Variants in KIRREL1 observed in about 807,000 individuals in gnomAD.
The protein encoded by KIRREL1 is kin of IRRE-like protein 1.
Under a neutral mutation model 83.3 loss-of-function variants are expected in KIRREL1, and 25 were observed. The observed-to-expected ratio is 0.30, with a 90% confidence interval of 0.22 to 0.42. The LOEUF (loss-of-function observed/expected upper bound fraction) is 0.42, where lower values mean the gene tolerates loss of function less well. KIRREL1 is among the 10% of genes least tolerant of loss of function. The pLI, the probability that KIRREL1 is intolerant of heterozygous loss-of-function variation, is 1.00. For missense variants in KIRREL1, 812 were observed against 1,032.3 expected, an observed-to-expected ratio of 0.79 and a Z score of 2.92; for synonymous variants, 388 against 410.4, an observed-to-expected ratio of 0.95 and a Z score of 0.66.
intron 1 of KIRREL1, among the ~76,000 whole-genome samples, chr1:158,069,861 G>A (rs1020804902): frequency 6.6e-6 from 1 of 152,202 alleles, no homozygotes; most frequent in African/African-American, 2.4e-5. Flanking sequence ...GTATAAAAGT[G>A]GCAGTGGATT....
intron 10 of KIRREL1, 152 bp downstream of exon 10, chr1:158,089,970 C>G (rs2101642658): frequency 3.0e-6 from 2 of 672,872 alleles, no homozygotes; most frequent in South Asian, 3.6e-5. Flanking sequence ...GTCCCTTTAC[C>G]TGCTCAAATC....
At chr1:158,026,901 T>G (rs1192303552) in intron 1 of KIRREL1, among the ~76,000 whole-genome samples, 1 of 152,132 alleles carries the variant, frequency 6.6e-6, no homozygotes, top group Non-Finnish European at 1.5e-5. Flanking sequence ...CACAGAAGAC[T>G]TCTGTGACCA....
intron 1 of KIRREL1, among the ~76,000 whole-genome samples, chr1:158,061,374 G>A (rs373962580): frequency 6.6e-6 from 1 of 152,220 alleles, no homozygotes; most frequent in East Asian, 1.9e-4. Context: ...CAGAGGCGGA[G>A]GGATGAGAGA....
At chr1:158,074,866 G>A (rs1399235456) in intron 1 of KIRREL1, among the ~76,000 whole-genome samples, 2 of 152,170 alleles carry the variant, frequency 1.3e-5, no homozygotes, top group Admixed American at 1.3e-4. Context: ...ATTTTAGAAA[G>A]CTCTGTTAGG....
chr1:157,995,461 G>A (rs1421892546), intron 1 of KIRREL1, among the ~76,000 whole-genome samples: 3 of 152,104 alleles, frequency 2.0e-5, no homozygotes, highest in East Asian at 1.9e-4. Flanking sequence ...TGTTGGTGTC[G>A]GGGAGGAAGG....
intron 10 of KIRREL1, among the ~76,000 whole-genome samples, chr1:158,090,455 A>G (rs1251031360): frequency 6.6e-6 from 1 of 152,072 alleles, no homozygotes; most frequent in Non-Finnish European, 1.5e-5. Flanking sequence ...ACATTTAATG[A>G]CCATTTGGCT....
chr1:158,097,536 A>G lies in KIRREL1; in HGVS notation c.*2416A>G, dbSNP rs964911418. 1.2e-5 allele frequency: 2 copies of G among 165,326 alleles called. No individual in the cohort carries two copies. The highest frequency in any genetic ancestry group is 4.8e-5 in the African/African-American group (2 of 41,522). The allele number at this position is 165,326 out of a possible 1,614,324, so 10.2% of individuals were successfully genotyped here. On this transcript the variant is annotated 3_prime_UTR_variant, in exon 15 of 15. Coordinates refer to ENST00000359209, the MANE Select transcript of KIRREL1 (RefSeq NM_018240.7). ...GCTACTTCACTGTCCTCTACTCCTT[A>G]ACAAGGTAACTGGAGCCTCTTGGGT...
intron 1 of KIRREL1, among the ~76,000 whole-genome samples, chr1:158,006,840 T>C (rs1183223701): frequency 6.6e-6 from 1 of 152,204 alleles, no homozygotes; most frequent in East Asian, 1.9e-4. Flanking sequence ...AAAGTGGGCA[T>C]GGGGGTGATG....
chr1:158,074,810 G>A (rs1447013368), intron 1 of KIRREL1, among the ~76,000 whole-genome samples: 2 of 152,152 alleles, frequency 1.3e-5, no homozygotes, highest in East Asian at 1.9e-4. Flanking sequence ...GTGGCGAGGG[G>A]TGAGTTAAGT....
At chr1:158,029,366 T>TGTGTGTGTGTGTGTGCGC (rs1553238087) in intron 1 of KIRREL1, among the ~76,000 whole-genome samples, 33 of 149,026 alleles carry the variant, frequency 2.2e-4, no homozygotes, top group Admixed American at 1.3e-3. Context: ...TGTGTGTGTG[T>TGTGTGTGTGTGTGTGCGC]GCACGTGCGC....
chr1:158,003,264 G>T (rs779964311), intron 1 of KIRREL1, among the ~76,000 whole-genome samples: 1 of 152,136 alleles, frequency 6.6e-6, no homozygotes, highest in Non-Finnish European at 1.5e-5. Context: ...GGCAGAGGAG[G>T]AGAGAACATA....
Position 157,993,747 on chromosome 1 carries a change from C to T in KIRREL1, c.52+19C>T, listed in dbSNP as rs893068673. ...TCCCAAGGTAAGGGCCCCCAGCCCA[C>T]CCCCGGACGCTCGGCTTCCCCCCGG... On this transcript the variant is annotated intron_variant, in intron 1 of 14. Transcript: ENST00000359209. 2.6e-5 allele frequency: 38 copies of T among 1,463,892 alleles called. No individual in the cohort carries two copies. The highest frequency in any genetic ancestry group is 3.4e-5 in the Non-Finnish European group (37 of 1,099,048). 90.7% of individuals were successfully genotyped at this position (1,463,892 alleles called of 1,614,324 possible).
rs1478689026 is a variant in KIRREL1 at position 158,088,053 on chromosome 1, A to G, written c.815A>G (p.Tyr272Cys). Residue 272 changes from tyrosine to cysteine, a missense_variant, in exon 7 of 15, where the codon TAT (tyrosine) becomes TGT (cysteine). Physicochemically the swap from Tyr to Cys is radical, Grantham distance 194 (BLOSUM62 -2). Coordinates refer to ENST00000359209, the MANE Select transcript of KIRREL1 (RefSeq NM_018240.7). ...FLIEDAHESR[Y>C]ETNVDYSFFT... ...ATTGAAGACGCCCACGAGAGTCGCTATGAGACAAATGTGGATTATTCCTTT... is the reference window on the plus strand; with the variant it reads ...ATTGAAGACGCCCACGAGAGTCGCTGTGAGACAAATGTGGATTATTCCTTT... 6.2e-7 allele frequency: 1 copy of G among 1,614,212 alleles called. No individual in the cohort carries two copies. Among genetic ancestry groups the G allele is most frequent in the Non-Finnish European group, 8.5e-7 (1 of 1,180,044 alleles).
At chr1:158,034,218 C>T (rs1159531201) in intron 1 of KIRREL1, among the ~76,000 whole-genome samples, 1 of 137,568 alleles carries the variant, frequency 7.3e-6, no homozygotes, top group South Asian at 2.2e-4. Context: ...TGCAGTGAGC[C>T]GAGATAGCGC....
At position 158,091,385 on chromosome 1, in the gene KIRREL1, G is replaced by A; in HGVS notation, c.1300G>A (p.Glu434Lys). Residue 434 changes from glutamate to lysine, a missense_variant, in exon 11 of 15, where the codon GAG becomes AAG. Glu to Lys is a moderately conservative substitution (Grantham distance 56). Transcript: ENST00000359209. Reference sequence around the variant, plus strand: ...ATGGGCCTGGAAGGAGAACTTCTTGGAGGTGGGGACCCTGGAACGCTATAC... The same window carrying A: ...ATGGGCCTGGAAGGAGAACTTCTTGAAGGTGGGGACCCTGGAACGCTATAC... ...IAWAWKENFL[E>K]VGTLERYTVE... 6.2e-7 allele frequency: 1 copy of A among 1,614,086 alleles called. No individual in the cohort carries two copies. Among genetic ancestry groups the A allele is most frequent in the Non-Finnish European group, 8.5e-7 (1 of 1,180,010 alleles).
intron 1 of KIRREL1, among the ~76,000 whole-genome samples, chr1:157,995,193 T>C (rs890251366): frequency 6.6e-6 from 1 of 152,160 alleles, no homozygotes; most frequent in Non-Finnish European, 1.5e-5. Flanking sequence ...CCTTGTCGGG[T>C]CTCTTCCCAG....
At chr1:157,995,043 C>T (rs1462821360) in intron 1 of KIRREL1, among the ~76,000 whole-genome samples, 1 of 152,240 alleles carries the variant, frequency 6.6e-6, no homozygotes, top group African/African-American at 2.4e-5. Flanking sequence ...TGGAGATGTA[C>T]AGACTGCAGA....
intron 11 of KIRREL1, 25 bp downstream of exon 11, chr1:158,091,581 C>T: frequency 6.2e-7 from 1 of 1,610,680 alleles, no homozygotes; most frequent in South Asian, 1.1e-5. Context: ...TGCCTGCCAG[C>T]TGGGGTGCAG....
chr1:158,088,306 T>C (rs1358077392), intron 7 of KIRREL1, 21 bp from the exon 8 acceptor site: 3 of 1,602,372 alleles, frequency 1.9e-6, no homozygotes, highest in South Asian at 1.1e-5. Context: ...CCCTAACGAG[T>C]GGCTTCTTTC....
Sources: gnomAD v4.1 joint callset for allele counts (sites outside exome capture counted in the v4.1 genomes callset) on GRCh38, gnomAD v4.1.1 for gene constraint, MANE v1.5 for transcripts, NCBI Gene and HGNC (gene_info 2026-07-23, HGNC 2026-07-21) for gene names.